SGCZ: variants seen among roughly 807,000 people sequenced by gnomAD.
SGCZ encodes the protein sarcoglycan zeta, also known as zeta-sarcoglycan.
In SGCZ, 40 loss-of-function variants were observed where a neutral mutation model predicts 41.3. That is an observed-to-expected ratio of 0.97 (90% CI 0.75 to 1.26). The LOEUF is 1.26. Among genes scored for constraint, SGCZ ranks in the 50% most tolerant of loss-of-function variants. SGCZ has a pLI of 0.00. For synonymous variants in SGCZ, 206 were observed against 137.5 expected (o/e 1.50, Z -3.49); for missense variants, 552 against 369.8 (o/e 1.49, Z -4.04).
chr8:14,640,274 T>C (rs1806978641), intron 1 of SGCZ, among the ~76,000 whole-genome samples: 1 of 151,728 alleles, frequency 6.6e-6, no homozygotes, highest in Non-Finnish European at 1.5e-5. Flanking sequence ...TCTGTTGCTA[T>C]CGTATCTTTG....
intron 1 of SGCZ, among the ~76,000 whole-genome samples, chr8:14,712,189 A>T (rs1809541282): frequency 6.6e-6 from 1 of 151,984 alleles, no homozygotes; most frequent in African/African-American, 2.4e-5. Context: ...ATTTCACTTT[A>T]ATTAAGTATT....
intron 7 of SGCZ, among the ~76,000 whole-genome samples, chr8:14,090,844 CATTCTGACAG>C (rs1801668124): frequency 6.6e-6 from 1 of 152,010 alleles, no homozygotes; most frequent in Non-Finnish European, 1.5e-5. Flanking sequence ...GGAGATGGTG[CATTCTGACAG>C]AAAGCCCTCA....
intron 2 of SGCZ, among the ~76,000 whole-genome samples, chr8:14,542,451 G>A (rs1242779057): frequency 6.6e-6 from 1 of 151,982 alleles, no homozygotes; most frequent in African/African-American, 2.4e-5. Context: ...AAGGAACAGA[G>A]AAACAAAAGG....
chr8:14,446,657 A>T (rs1366942929), intron 2 of SGCZ, among the ~76,000 whole-genome samples: 1 of 152,184 alleles, frequency 6.6e-6, no homozygotes, highest in African/African-American at 2.4e-5. Context: ...TATGCACTTA[A>T]AAATCCTGTA....
At chr8:15,021,685 C>G (rs1171660964) in intron 1 of SGCZ, among the ~76,000 whole-genome samples, 1 of 152,198 alleles carries the variant, frequency 6.6e-6, no homozygotes, top group African/African-American at 2.4e-5. Flanking sequence ...ACCACAGGAT[C>G]CACACTTCTC....
chr8:14,393,605 G>A (rs553274721), intron 2 of SGCZ, among the ~76,000 whole-genome samples: 1 of 152,030 alleles, frequency 6.6e-6, no homozygotes, highest in Non-Finnish European at 1.5e-5. Flanking sequence ...CCATCAGCTG[G>A]TCCTTTCCAC....
chr8:15,106,151 T>C (rs959424334), intron 1 of SGCZ, among the ~76,000 whole-genome samples: 1 of 152,156 alleles, frequency 6.6e-6, no homozygotes, highest in Non-Finnish European at 1.5e-5. Flanking sequence ...TTCATATGTT[T>C]ATTTTTCCAC....
chr8:14,798,310 T>G (rs1395223221), intron 1 of SGCZ, among the ~76,000 whole-genome samples: 1 of 152,166 alleles, frequency 6.6e-6, no homozygotes, highest in Non-Finnish European at 1.5e-5. Context: ...GCAATAATCC[T>G]CTCCCCACGG....
intron 1 of SGCZ, among the ~76,000 whole-genome samples, chr8:14,647,269 T>G (rs1469112503): frequency 3.3e-5 from 5 of 152,034 alleles, no homozygotes; most frequent in African/African-American, 1.2e-4. Context: ...TTATAGGATA[T>G]GCATAACTAT....
At chr8:14,502,540 T>G (rs1310473136) in intron 2 of SGCZ, among the ~76,000 whole-genome samples, 7 of 151,902 alleles carry the variant, frequency 4.6e-5, no homozygotes, top group Non-Finnish European at 1.5e-5. Context: ...AGTGAGAAAA[T>G]TTTTGCGATC....
intron 2 of SGCZ, among the ~76,000 whole-genome samples, chr8:14,524,003 C>T (rs1802865994): frequency 1.3e-5 from 2 of 151,978 alleles, no homozygotes; most frequent in African/African-American, 4.8e-5. Flanking sequence ...ACTCATCATT[C>T]TGCTGTTGAA....
At chr8:14,775,566 T>C (rs903450734) in intron 1 of SGCZ, among the ~76,000 whole-genome samples, 6 of 152,028 alleles carry the variant, frequency 3.9e-5, no homozygotes, top group Non-Finnish European at 8.8e-5. Flanking sequence ...CTTCATATTA[T>C]TTATAACGAA....
At chr8:14,621,350 C>G (rs913138724) in intron 1 of SGCZ, among the ~76,000 whole-genome samples, 1 of 151,110 alleles carries the variant, frequency 6.6e-6, no homozygotes. Context: ...GACAAGTTAA[C>G]GGGTGCAGCA....
chr8:14,751,867 G>A lies in SGCZ; in HGVS notation c.40-196941C>T, dbSNP rs556567234. Among the ~76,000 whole-genome samples the A allele has an allele frequency of 1.8e-3, 268 of 151,642 alleles. 2 individuals carry two copies. The highest frequency in any genetic ancestry group is 0.014 in the Middle Eastern group (4 of 294). On this transcript the variant is annotated intron_variant, in intron 1 of 7. Coordinates refer to ENST00000382080, the MANE Select transcript of SGCZ (RefSeq NM_139167.4). ...CCCGGCCATGAACCCGGGAGGCAGA[G>A]CTTGCACTGAGCCAAAATCGCGCCA...
At chr8:15,098,667 T>C (rs1174834943) in intron 1 of SGCZ, among the ~76,000 whole-genome samples, 2 of 152,338 alleles carry the variant, frequency 1.3e-5, no homozygotes, top group Non-Finnish European at 2.9e-5. Context: ...CTTTTTTTTC[T>C]GGCTTTTAAG....
intron 1 of SGCZ, among the ~76,000 whole-genome samples, chr8:14,633,288 A>C (rs1270644703): frequency 6.6e-6 from 1 of 152,012 alleles, no homozygotes; most frequent in Non-Finnish European, 1.5e-5. Context: ...GGAGAGGGAC[A>C]TAATGAGGTT....
intron 4 of SGCZ, among the ~76,000 whole-genome samples, chr8:14,223,699 G>C (rs969307530): frequency 3.3e-5 from 5 of 152,040 alleles, no homozygotes; most frequent in Non-Finnish European, 7.4e-5. Flanking sequence ...ATGACCCACG[G>C]AACCACCTGC....
At chr8:14,627,034 T>A (rs1449184359) in intron 1 of SGCZ, among the ~76,000 whole-genome samples, 1 of 152,202 alleles carries the variant, frequency 6.6e-6, no homozygotes, top group African/African-American at 2.4e-5. Flanking sequence ...CTCATTCTCT[T>A]AGCTAATCTC....
intron 1 of SGCZ, among the ~76,000 whole-genome samples, chr8:15,017,822 T>A (rs1198624310): frequency 6.6e-6 from 1 of 152,128 alleles, no homozygotes; most frequent in Non-Finnish European, 1.5e-5. Context: ...ACACTTAAAG[T>A]TTATTTAGTT....
Sources: gnomAD v4.1 joint callset for allele counts (sites outside exome capture counted in the v4.1 genomes callset) on GRCh38, gnomAD v4.1.1 for gene constraint, MANE v1.5 for transcripts, NCBI Gene and HGNC (gene_info 2026-07-23, HGNC 2026-07-21) for gene names.